The following STPG1 variants were observed in gnomAD, a reference collection of about 807,000 sequenced individuals.
STPG1 encodes O(6)-methylguanine-induced apoptosis 2.
Under a neutral mutation model 40.1 loss-of-function variants are expected in STPG1, and 33 were observed. The observed-to-expected ratio is 0.82, with a 90% CI of 0.62 to 1.10. The LOEUF (loss-of-function observed/expected upper bound fraction) is 1.10, where lower values mean the gene tolerates loss of function less well. STPG1 is among the 50% of genes least tolerant of loss of function. The pLI is 0.00. For synonymous variants in STPG1, 150 were observed against 155.0 expected, an observed-to-expected ratio of 0.97 and a Z score of 0.24; for missense variants, 396 against 415.1, an observed-to-expected ratio of 0.95 and a Z score of 0.40.
At chr1:24,412,288 G>GGA (rs1390035233) in intron 1 of STPG1, among the ~76,000 whole-genome samples, 1 of 152,100 alleles carries the variant, frequency 6.6e-6, no homozygotes, top group African/African-American at 2.4e-5. Flanking sequence ...TGCTGCATGG[G>GGA]GAGCTCCTTT....
chr1:24,387,964 G>A (rs142284668), intron 3 of STPG1, among the ~76,000 whole-genome samples: 3 of 152,308 alleles, frequency 2.0e-5, no homozygotes, highest in Non-Finnish European at 4.4e-5. Flanking sequence ...AACTTTGTAC[G>A]ATTTCATCAC....
intron 1 of STPG1, among the ~76,000 whole-genome samples, chr1:24,413,334 C>G (rs1643820904): frequency 6.6e-6 from 1 of 152,242 alleles, no homozygotes; most frequent in South Asian, 2.1e-4. Context: ...TTGGCGTCCA[C>G]CCACTGCCAG....
chr1:24,374,425 A>AT (rs1641922150), intron 5 of STPG1, among the ~76,000 whole-genome samples: 1 of 150,650 alleles, frequency 6.6e-6, no homozygotes, highest in Admixed American at 6.6e-5. Flanking sequence ...CGCCCAGCTA[A>AT]TTTTTTTGTA....
At chr1:24,360,388 G>C (rs1488329257) in intron 8 of STPG1, among the ~76,000 whole-genome samples, 2 of 152,218 alleles carry the variant, frequency 1.3e-5, no homozygotes, top group Admixed American at 6.5e-5. Flanking sequence ...GGCGGAAGTT[G>C]TGAGCCAAGA....
intron 7 of STPG1, chr1:24,368,696 A>G (rs1641585956): frequency 6.6e-6 from 1 of 152,162 alleles, no homozygotes; most frequent in African/African-American, 2.4e-5. Flanking sequence ...TGCCAAACAT[A>G]TATTTTATTT....
At chr1:24,387,785 G>A (rs1324297318) in intron 3 of STPG1, among the ~76,000 whole-genome samples, 3 of 152,170 alleles carry the variant, frequency 2.0e-5, no homozygotes, top group African/African-American at 7.2e-5. Context: ...GAGAAGTCAG[G>A]CTTCACAGAG....
intron 4 of STPG1, 172 bp downstream of exon 4, chr1:24,383,730 T>C: frequency 1.9e-6 from 1 of 540,104 alleles, no homozygotes; most frequent in Non-Finnish European, 3.3e-6. Context: ...AAAAAGTTAC[T>C]TAGAGACACA....
At chr1:24,401,157 G>A (rs961428750) in intron 2 of STPG1, 162 bp downstream of exon 2, 24 of 481,286 alleles carry the variant, frequency 5.0e-5, no homozygotes, top group Middle Eastern at 3.8e-4. Flanking sequence ...CTTCCCAATC[G>A]TCACACTTGA....
intron 2 of STPG1, among the ~76,000 whole-genome samples, chr1:24,394,201 G>C (rs1184080560): frequency 2.0e-5 from 3 of 152,178 alleles, no homozygotes; most frequent in Non-Finnish European, 4.4e-5. Context: ...GAGTCACAGC[G>C]GGAAAACCTC....
intron 1 of STPG1, among the ~76,000 whole-genome samples, chr1:24,407,443 ATTTTTTTTTTTTTTTTTTGACGG>A (rs1643455811): frequency 7.6e-6 from 1 of 130,958 alleles, no homozygotes; most frequent in African/African-American, 2.9e-5. Flanking sequence ...AAGTTCACTG[ATTTTTTTTTTTTTTTTTTGACGG>A]AGTCCCGCTC....
intron 7 of STPG1, chr1:24,368,742 T>C (rs1434736185): frequency 6.6e-6 from 1 of 152,270 alleles, no homozygotes; most frequent in Non-Finnish European, 1.5e-5. Flanking sequence ...TCTCACTCTG[T>C]CACCCAGGCT....
At chr1:24,363,043 T>G (rs1014597045) in intron 7 of STPG1, among the ~76,000 whole-genome samples, 1 of 152,220 alleles carries the variant, frequency 6.6e-6, no homozygotes, top group Non-Finnish European at 1.5e-5. Flanking sequence ...ACAGGTTTGA[T>G]TCCTGGAAAT....
At chr1:24,386,348 C>T (rs1460300737) in intron 3 of STPG1, among the ~76,000 whole-genome samples, 6 of 152,206 alleles carry the variant, frequency 3.9e-5, no homozygotes, top group Non-Finnish European at 7.3e-5. Flanking sequence ...TACCACTTAG[C>T]CTGGAGGAAT....
At chr1:24,401,218 G>T in intron 2 of STPG1, 101 bp downstream of exon 2, 1 of 986,868 alleles carries the variant, frequency 1.0e-6, no homozygotes, top group Non-Finnish European at 1.6e-6. Flanking sequence ...GGATGGCCCT[G>T]TGGATATAAC....
chr1:24,390,491 T>G (rs1642720374), intron 3 of STPG1, among the ~76,000 whole-genome samples: 1 of 152,188 alleles, frequency 6.6e-6, no homozygotes, highest in Admixed American at 6.5e-5. Flanking sequence ...CGATCTCGGC[T>G]CACTACAATC....
At chr1:24,374,193 A>T (rs1641893735) in intron 5 of STPG1, among the ~76,000 whole-genome samples, 1 of 142,200 alleles carries the variant, frequency 7.0e-6, no homozygotes, top group South Asian at 2.3e-4. Context: ...CTTGCTGTGG[A>T]GTTCTGTCAG....
chr1:24,358,615 C>T lies in STPG1; in HGVS notation c.933G>A (p.Thr311=), dbSNP rs775562958. 1.4e-5 allele frequency: 23 copies of T among 1,613,034 alleles called. No homozygotes were observed. The highest frequency in any genetic ancestry group is 1.0e-4 in the Admixed American group (6 of 59,972). The part of the protein sequence containing the change: ...PPQPGLPGPA[T]YKPELPGKQS... The stretch of plus-strand genomic sequence containing the variant: ...GCTTTCCTGGAAGCTCTGGCTTGTA[C>T]GTAGCTGTGAGGGGACAGAGAGGCG... Residue 311 remains threonine, a synonymous_variant, in exon 9 of 9, where the codon ACG becomes ACA. Transcript: ENST00000337248.
At position 24,373,822 on chromosome 1, in the gene STPG1, A is replaced by G. The variant is rs369251296; in HGVS notation, c.463-12T>C. ...CAAGAGACAGAGGCCTAGGGGGAGA[A>G]AATACACCCAATGTACTCAGTACCT... On this transcript the variant is annotated splice_polypyrimidine_tract_variant and intron_variant, in intron 5 of 8. Coordinates refer to ENST00000337248, the MANE Select transcript of STPG1 (RefSeq NM_001199013.2). 7.3e-5 allele frequency: 114 copies of G among 1,563,300 alleles called. No individual in the cohort carries two copies. Among genetic ancestry groups the G allele is most frequent in the Non-Finnish European group, 9.4e-5 (107 of 1,134,860 alleles).
intron 4 of STPG1, among the ~76,000 whole-genome samples, chr1:24,380,688 C>T (rs951409751): frequency 1.3e-5 from 2 of 152,168 alleles, no homozygotes; most frequent in East Asian, 3.9e-4. Flanking sequence ...CGGTCCTCAG[C>T]GTCTGGTTTA....
Sources: allele counts gnomAD v4.1 joint callset (sites outside exome capture counted in the v4.1 genomes callset), GRCh38; gene constraint gnomAD v4.1.1; transcripts MANE v1.5; gene names NCBI Gene and HGNC (gene_info 2026-07-23, HGNC 2026-07-21).